Variants in MLIP observed in about 807,000 individuals in gnomAD.
MLIP encodes the protein muscular LMNA interacting protein, also known as muscular LMNA-interacting protein.
Under a neutral mutation model 84.8 loss-of-function variants are expected in MLIP, and 79 were observed. The observed-to-expected ratio is 0.93, with a 90% CI of 0.78 to 1.12. The LOEUF is 1.12. Among genes scored for constraint, MLIP ranks in the 50% most tolerant of loss-of-function variants. MLIP has a pLI of 0.00. For missense variants in MLIP, 1,257 were observed against 1,160.6 expected (o/e 1.08, Z -1.21); for synonymous variants, 504 against 463.0 (o/e 1.09, Z -1.14).
chr6:54,216,793 T>C (rs1779882249), intron 11 of MLIP: 1 of 985,238 alleles, frequency 1.0e-6, no homozygotes, highest in Non-Finnish European at 1.2e-6. Flanking sequence ...TGCCATATAA[T>C]CGAAACCAAT....
chr6:54,058,546 A>G (rs1765789822), intron 1 of MLIP, among the ~76,000 whole-genome samples: 1 of 152,240 alleles, frequency 6.6e-6, no homozygotes, highest in Non-Finnish European at 1.5e-5. Context: ...CTAACAGGAA[A>G]GGCAGTCTTT....
chr6:54,139,932 G>A (rs1449391856), intron 4 of MLIP, among the ~76,000 whole-genome samples: 1 of 151,972 alleles, frequency 6.6e-6, no homozygotes, highest in African/African-American at 2.4e-5. Flanking sequence ...AAAATGTATT[G>A]GAGATTAAGT....
intron 11 of MLIP, among the ~76,000 whole-genome samples, chr6:54,211,224 C>G (rs1295235677): frequency 6.6e-6 from 1 of 151,848 alleles, no homozygotes; most frequent in Non-Finnish European, 1.5e-5. Context: ...AGACTCTGTA[C>G]CGAAAAATAA....
chr6:54,092,491 A>G (rs1767932617), intron 1 of MLIP, among the ~76,000 whole-genome samples: 1 of 152,156 alleles, frequency 6.6e-6, no homozygotes, highest in Non-Finnish European at 1.5e-5. Flanking sequence ...GTAGTACCGT[A>G]AAAGTCAGGC....
At chr6:54,089,976 C>A (rs560225019) in intron 1 of MLIP, among the ~76,000 whole-genome samples, 18 of 152,252 alleles carry the variant, frequency 1.2e-4, no homozygotes, top group African/African-American at 3.8e-4. Context: ...TTAATCTTTT[C>A]TGACAATACC....
chr6:54,202,024 A>C, intron 10 of MLIP, 81 bp from the exon 11 acceptor site: 1 of 1,032,480 alleles, frequency 9.7e-7, no homozygotes, highest in Non-Finnish European at 1.3e-6. Flanking sequence ...ACAGCATTGA[A>C]TGACTTAACA....
chr6:54,078,263 A>C (rs1402673669), intron 1 of MLIP, among the ~76,000 whole-genome samples: 3 of 152,224 alleles, frequency 2.0e-5, no homozygotes, highest in African/African-American at 7.2e-5. Flanking sequence ...GCAGTTCTCT[A>C]GCACTCGTTA....
Position 54,115,050 on chromosome 6 carries a change from A to G in MLIP, c.96+3475A>G, listed in dbSNP as rs561323854. On this transcript the variant is annotated intron_variant, in intron 1 of 13. Transcript: ENST00000502396. Reference sequence around the variant, plus strand: ...GTTAGAGGTTTGAAGAAAGGGGAAAAAGTGTGAAAGAGTTTTCTAGGCCAG... The same window carrying G: ...GTTAGAGGTTTGAAGAAAGGGGAAAGAGTGTGAAAGAGTTTTCTAGGCCAG... Among the ~76,000 whole-genome samples, 14 of 152,322 alleles carry G rather than the reference A, an allele frequency of 9.2e-5. No individual in the cohort carries two copies. The East Asian group carries it at 9.6e-4, about 10-fold the overall frequency.
At chr6:54,263,591 T>C (rs184685470) in intron 13 of MLIP, among the ~76,000 whole-genome samples, 1 of 152,200 alleles carries the variant, frequency 6.6e-6, no homozygotes, top group South Asian at 2.1e-4. Flanking sequence ...ATATGCATAT[T>C]TGATGTTGCA....
At chr6:54,203,928 G>A (rs537595294) in intron 11 of MLIP, 51 of 152,276 alleles carry the variant, frequency 3.3e-4, no homozygotes, top group African/African-American at 1.2e-3. Context: ...TTCAGATTAG[G>A]TACCTTTTAA....
intron 1 of MLIP, among the ~76,000 whole-genome samples, chr6:54,086,686 C>T (rs1242577173): frequency 6.6e-6 from 1 of 152,160 alleles, no homozygotes; most frequent in Non-Finnish European, 1.5e-5. Flanking sequence ...TGGCTCTTCC[C>T]CAGGGTCATT....
chr6:54,147,920 T>C (rs868414828), intron 4 of MLIP, among the ~76,000 whole-genome samples: 78 of 152,224 alleles, frequency 5.1e-4, no homozygotes, highest in African/African-American at 1.8e-3. Flanking sequence ...AGAGAATGCA[T>C]TCTGCTGTTA....
chr6:54,105,282 G>T (rs916238391), intron 1 of MLIP, among the ~76,000 whole-genome samples: 4 of 152,036 alleles, frequency 2.6e-5, no homozygotes, highest in Non-Finnish European at 5.9e-5. Context: ...TCTTTAGCCC[G>T]TATACGTTTG....
At chr6:54,144,495 G>C (rs191865812) in intron 4 of MLIP, among the ~76,000 whole-genome samples, 15 of 152,226 alleles carry the variant, frequency 9.9e-5, no homozygotes, top group African/African-American at 3.1e-4. Flanking sequence ...GGATGAAACT[G>C]TTCCACCTCA....
chr6:54,090,859 G>T (rs967757821), intron 1 of MLIP, among the ~76,000 whole-genome samples: 13 of 152,140 alleles, frequency 8.5e-5, no homozygotes, highest in Non-Finnish European at 1.8e-4. Flanking sequence ...TGAGATTAAT[G>T]TAGGGGACAA....
intron 12 of MLIP, among the ~76,000 whole-genome samples, chr6:54,242,177 A>G (rs183975061): frequency 8.2e-4 from 125 of 152,344 alleles, no homozygotes; most frequent in Non-Finnish European, 1.6e-3. Context: ...TTTCATGTCC[A>G]GAGTGGGTAG....
At chr6:54,097,997 C>T (rs2150383024) in intron 1 of MLIP, among the ~76,000 whole-genome samples, 1 of 152,144 alleles carries the variant, frequency 6.6e-6, no homozygotes, top group East Asian at 1.9e-4. Flanking sequence ...GGAGAGAGCA[C>T]AGACCTGGAA....
intron 11 of MLIP, among the ~76,000 whole-genome samples, chr6:54,226,637 AAAAC>A (rs146772853): frequency 0.088 from 13,281 of 151,550 alleles, 1,869 homozygotes; most frequent in African/African-American, 0.3. Flanking sequence ...AACAGGAAAT[AAAAC>A]AAACAAACAA....
chr6:54,144,529 T>C (rs962627801), intron 4 of MLIP, among the ~76,000 whole-genome samples: 1 of 152,200 alleles, frequency 6.6e-6, no homozygotes, highest in African/African-American at 2.4e-5. Flanking sequence ...TAGATTCTTA[T>C]AAGGGACACA....
Sources: gnomAD v4.1 joint callset for allele counts (sites outside exome capture counted in the v4.1 genomes callset) on GRCh38, gnomAD v4.1.1 for gene constraint, MANE v1.5 for transcripts, NCBI Gene and HGNC (gene_info 2026-07-23, HGNC 2026-07-21) for gene names.